Variants in SLC2A6 observed in about 807,000 individuals in gnomAD.
SLC2A6 encodes solute carrier family 2, facilitated glucose transporter member 6.
Under a neutral mutation model 47.8 loss-of-function variants are expected in SLC2A6, and 39 were observed. The observed-to-expected ratio is 0.82, with a 90% CI of 0.63 to 1.07. The LOEUF is 1.07. Ranked by LOEUF, SLC2A6 falls within the 50% of genes least tolerant of loss-of-function variation. The pLI is 0.00. For synonymous variants in SLC2A6, 346 were observed against 324.1 expected (o/e 1.07, Z -0.73); for missense variants, 650 against 707.6 (o/e 0.92, Z 0.92).
rs782462512 is a variant in SLC2A6, at chr9:133,475,022, G to A, written c.866C>T (p.Thr289Met). ...ALLMRLLQQLTGITPILVYLQ... is the reference protein window; with the variant it reads ...ALLMRLLQQLMGITPILVYLQ... ...GTAGACCAGGATGGGCGTGATGCCC[G>A]TCAGCTGCTGCAGGAGGCGCATCAG... Residue 289 changes from threonine to methionine, a missense_variant, in exon 6 of 10, where the codon ACG becomes ATG. Thr to Met is a moderately conservative substitution (Grantham distance 81). Coordinates refer to ENST00000371899, the MANE Select transcript of SLC2A6 (RefSeq NM_017585.4). 8.8e-6 allele frequency: 14 copies of A among 1,595,726 alleles called. No homozygotes were observed. Among genetic ancestry groups the A allele is most frequent in the South Asian group, 1.1e-5 (1 of 88,170 alleles).
At chr9:133,473,372 A>T in intron 8 of SLC2A6, 43 bp downstream of exon 8, 1 of 1,547,094 alleles carries the variant, frequency 6.5e-7, no homozygotes, top group Non-Finnish European at 8.7e-7. Flanking sequence ...CCATCCCTTA[A>T]CACCCAAGAC....
intron 3 of SLC2A6, 75 bp from the exon 4 acceptor site, chr9:133,476,411 G>A: frequency 7.6e-7 from 1 of 1,320,034 alleles, no homozygotes; most frequent in Non-Finnish European, 1.1e-6. Flanking sequence ...GGGAGAGTCA[G>A]CCCCTGTGAA....
Position 133,471,214 on chromosome 9 carries a change from CT to C in SLC2A6, c.*806del, listed in dbSNP as rs34855972. The stretch of plus-strand genomic sequence containing the variant: ...GGCCACGCCAGGTCCTTTGCCCTGG[CT>C]TTTTTTTTTTTTTTTTTGGCAGGGG... On this transcript the variant is annotated 3_prime_UTR_variant, in exon 10 of 10. Transcript: ENST00000371899. 8.3e-3 allele frequency: 993 copies of C among 120,078 alleles called. 16 individuals carry two copies. In the East Asian group the frequency reaches 0.088, roughly 11 times the overall value. 7.4% of individuals were successfully genotyped at this position (120,078 alleles called of 1,614,324 possible).
rs374710721 is a variant in SLC2A6 at position 133,473,501 on chromosome 9, G to A, written c.1136C>T (p.Ser379Phe). The change falls in exon 8 of 10, where the codon TCC becomes TTC. Residue 379 changes from serine to phenylalanine, a missense_variant. By Grantham distance (155) the Ser-to-Phe change is radical (BLOSUM62 -2). Transcript: ENST00000371899. ...PNSTAGLESE[S>F]WGDLAQPLAA... ...CAGGGGCTGCGCCAAGTCCCCCCAG[G>A]ACTCGCTTTCCAGGCCCGCAGTGCT... 1 of 1,603,206 alleles carries A rather than the reference G, an allele frequency of 6.2e-7. No homozygotes were observed. The highest frequency in any genetic ancestry group is 1.1e-5 in the South Asian group (1 of 89,056).
At position 133,471,838 on chromosome 9, in the gene SLC2A6, G is replaced by C. The variant is rs1843727422; in HGVS notation, c.*183C>G. Reference sequence around the variant, plus strand: ...GCTGCCTGGGCTGGGGCTGTGGCTGGACAGCAGTGCTACCTGTCCCGAGCC... The same window carrying C: ...GCTGCCTGGGCTGGGGCTGTGGCTGCACAGCAGTGCTACCTGTCCCGAGCC... On this transcript the variant is annotated 3_prime_UTR_variant, in exon 10 of 10. Transcript: ENST00000371899. 3 of 649,808 alleles carry C rather than the reference G, an allele frequency of 4.6e-6. No individual in the cohort carries two copies. In the African/African-American group the frequency reaches 5.5e-5, roughly 12 times the overall value. The allele number at this position is 649,808 out of a possible 1,614,324, so 40.3% of individuals were successfully genotyped here.
chr9:133,476,237 C>G lies in SLC2A6; in HGVS notation c.562G>C (p.Gly188Arg). The G allele has an allele frequency of 6.2e-7, 1 of 1,611,252 alleles. No homozygotes were observed. The highest frequency in any genetic ancestry group is 8.5e-7 in the Non-Finnish European group (1 of 1,178,600). Residue 188 changes from glycine to arginine, a missense_variant and splice_region_variant, in exon 4 of 10, where the codon GGC becomes CGC. Gly to Arg is a moderately radical substitution (Grantham distance 125). Transcript: ENST00000371899. ...VFGSLSLYAL[G>R]LLLPWRWLAV... ...CACAGGAGTGCGGGGCCATACTTGCCAAGGGCGTAGAGGGACAGGGATCCG... is the reference window on the plus strand; with the variant it reads ...CACAGGAGTGCGGGGCCATACTTGCGAAGGGCGTAGAGGGACAGGGATCCG...
chr9:133,475,505 A>G lies in SLC2A6; in HGVS notation c.669T>C (p.Ser223=). The G allele has an allele frequency of 1.2e-6, 2 of 1,611,596 alleles. No homozygotes were observed. The highest frequency in any genetic ancestry group is 2.2e-5 in the East Asian group (1 of 44,878). The change falls in exon 5 of 10, where the codon TCT becomes TCC. Residue 223 remains serine (S), a synonymous_variant. Transcript: ENST00000371899. The part of the protein sequence containing the change: ...FMPNSPRFLL[S]RGRDEEALRA... ...GCAGGGCCTCTTCGTCCCTGCCCCG[A>G]GAGAGCAGGAAGCGCGGCGAGTTGG...
chr9:133,473,250 C>G lies in SLC2A6; in HGVS notation c.1223G>C (p.Gly408Ala). 2 of 1,571,424 alleles carry G rather than the reference C, an allele frequency of 1.3e-6. No individual in the cohort carries two copies. Among genetic ancestry groups the G allele is most frequent in the Non-Finnish European group, 1.7e-6 (2 of 1,159,130 alleles). ...PLLATMLFIMGYAVGWGPITW... is the reference protein window; with the variant it reads ...PLLATMLFIMAYAVGWGPITW... Reference sequence around the variant, plus strand: ...GATGGGACCCCAGCCCACGGCGTAGCCTGCTCGGAGGAGGAGGCAGGTTCA... The same window carrying G: ...GATGGGACCCCAGCCCACGGCGTAGGCTGCTCGGAGGAGGAGGCAGGTTCA... Residue 408 changes from glycine to alanine, a missense_variant and splice_region_variant, in exon 9 of 10, where the codon GGC becomes GCC. Transcript: ENST00000371899.
chr9:133,477,086 G>C lies in SLC2A6; in HGVS notation c.411C>G (p.Leu137=), dbSNP rs1025033999. 1 of 1,546,668 alleles carries C rather than the reference G, an allele frequency of 6.5e-7. No homozygotes were observed. The highest frequency in any genetic ancestry group is 1.4e-5 in the African/African-American group (1 of 72,866). ...AGAHGLWMLL[L]GRTLTGFAGG... ...CGGCGAAGCCCGTCAGCGTCCTTCC[G>C]AGCAGCAGCATCCAGAGGCCGTGCG... Residue 137 remains leucine, a synonymous_variant, in exon 3 of 10, where the codon CTC becomes CTG. Coordinates refer to ENST00000371899, the MANE Select transcript of SLC2A6 (RefSeq NM_017585.4).
In SLC2A6 at chr9:133,473,640, T is replaced by C. The variant is rs377453848; in HGVS notation, c.1037-40A>G. ...GTGGCCTCGTGGGGCCAGGACCCTC[T>C]GAGCCAGCTGTTTCTCTCAGAGCTC... On this transcript the variant is annotated intron_variant, in intron 7 of 9. Coordinates refer to ENST00000371899, the MANE Select transcript of SLC2A6 (RefSeq NM_017585.4). 2.9e-5 allele frequency: 43 copies of C among 1,473,030 alleles called. 1 individual carries two copies. Among genetic ancestry groups the C allele is most frequent in the East Asian group, 2.9e-4 (12 of 42,024 alleles). The allele number at this position is 1,473,030 out of a possible 1,614,324, so 91.2% of individuals were successfully genotyped here.
chr9:133,473,331 C>A, intron 8 of SLC2A6, 81 bp from the exon 9 acceptor site: 6 of 1,536,658 alleles, frequency 3.9e-6, no homozygotes, highest in Non-Finnish European at 4.4e-6. Flanking sequence ...CTGCTGGAGA[C>A]CCCCCTCTCC....
At chr9:133,475,211 T>C in intron 5 of SLC2A6, 98 bp from the exon 6 acceptor site, 1 of 1,419,066 alleles carries the variant, frequency 7.0e-7, no homozygotes, top group Non-Finnish European at 9.2e-7. Context: ...GACCTCCTTT[T>C]TCCCTCCTCC....
At chr9:133,477,562 G>C (rs902266434) in intron 2 of SLC2A6, among the ~76,000 whole-genome samples, 1 of 152,202 alleles carries the variant, frequency 6.6e-6, no homozygotes, top group East Asian at 1.9e-4. Context: ...AAGATTTGGA[G>C]GTTCTTAAGT....
rs782413445 is a variant in SLC2A6, at chr9:133,473,521, A to G, written c.1116T>C (p.Thr372=). 5.6e-6 allele frequency: 9 copies of G among 1,596,172 alleles called. No individual in the cohort carries two copies. Among genetic ancestry groups the G allele is most frequent in the East Asian group, 4.5e-5 (2 of 44,532 alleles). Residue 372 remains threonine (T), a synonymous_variant, in exon 8 of 10, where the codon ACT becomes ACC. Transcript: ENST00000371899. ...CCCAGGACTCGCTTTCCAGGCCCGC[A>G]GTGCTGTTGGGGCTCAGAGGCCTGG... The part of the protein sequence containing the change: ...FGPRPLSPNS[T]AGLESESWGD...
Position 133,477,069 on chromosome 9 carries a change from C to A in SLC2A6, c.428G>T (p.Gly143Val), listed in dbSNP as rs1843982653. 1.3e-6 allele frequency: 2 copies of A among 1,546,150 alleles called. No homozygotes were observed. The highest frequency in any genetic ancestry group is 1.7e-6 in the Non-Finnish European group (2 of 1,146,106). Residue 143 changes from glycine to valine, a missense_variant, in exon 3 of 10, where the codon GGC becomes GTC. By Grantham distance (109) the Gly-to-Val change is moderately radical. Coordinates refer to ENST00000371899, the MANE Select transcript of SLC2A6 (RefSeq NM_017585.4). ...WMLLLGRTLT[G>V]FAGGLTAACI... Reference sequence around the variant, plus strand: ...GGCAGCTGTGAGCCCCCCGGCGAAGCCCGTCAGCGTCCTTCCGAGCAGCAG... The same window carrying A: ...GGCAGCTGTGAGCCCCCCGGCGAAGACCGTCAGCGTCCTTCCGAGCAGCAG...
At chr9:133,476,935 A>G in intron 3 of SLC2A6, 100 bp downstream of exon 3, 1 of 1,312,454 alleles carries the variant, frequency 7.6e-7, no homozygotes. Flanking sequence ...AACAATTCTC[A>G]TTGCCCAGAA....
rs62637579 is a variant in SLC2A6 at position 133,475,039 on chromosome 9, G to T, written c.849C>A (p.Arg283=). The part of the protein sequence containing the change: ...CRPITVALLM[R]LLQQLTGITP... ...TGATGCCCGTCAGCTGCTGCAGGAG[G>T]CGCATCAGCAAGGCCACGGTGATGG... is the stretch of plus-strand genomic sequence containing the variant. Residue 283 remains arginine (R), a synonymous_variant, in exon 6 of 10, where the codon CGC becomes CGA. Coordinates refer to ENST00000371899, the MANE Select transcript of SLC2A6 (RefSeq NM_017585.4). 3.8e-6 allele frequency: 6 copies of T among 1,599,904 alleles called. No homozygotes were observed. In the African/African-American group the frequency reaches 5.3e-5, roughly 14 times the overall value.
chr9:133,476,871 T>G (rs1374036476), intron 3 of SLC2A6, among the ~76,000 whole-genome samples, 164 bp downstream of exon 3: 1 of 152,158 alleles, frequency 6.6e-6, no homozygotes, highest in East Asian at 1.9e-4. Context: ...TCCCCCAAAT[T>G]AGCTGCCCTG....
Position 133,471,999 on chromosome 9 carries a change from C to T in SLC2A6, c.*22G>A, listed in dbSNP as rs1554801582. 2 of 1,604,820 alleles carry T rather than the reference C, an allele frequency of 1.2e-6. No individual in the cohort carries two copies. The highest frequency in any genetic ancestry group is 1.1e-5 in the South Asian group (1 of 90,886). On this transcript the variant is annotated 3_prime_UTR_variant, in exon 10 of 10. Coordinates refer to ENST00000371899, the MANE Select transcript of SLC2A6 (RefSeq NM_017585.4). Reference sequence around the variant, plus strand: ...AGGCCCAGCCACTGGGGGTTTGGCCCCCTCCAGGCGGGGACCTTGACCTAG... The same window carrying T: ...AGGCCCAGCCACTGGGGGTTTGGCCTCCTCCAGGCGGGGACCTTGACCTAG...
Sources: allele counts gnomAD v4.1 joint callset (sites outside exome capture counted in the v4.1 genomes callset), GRCh38; gene constraint gnomAD v4.1.1; transcripts MANE v1.5; gene names NCBI Gene and HGNC (gene_info 2026-07-23, HGNC 2026-07-21).